Variants in CR1 observed in about 807,000 individuals in gnomAD.
The protein encoded by CR1 is complement receptor type 1.
In CR1, 116 loss-of-function variants were observed where a neutral mutation model predicts 187.3. That is an observed-to-expected ratio of 0.62 (90% CI 0.53 to 0.72). The LOEUF is 0.72. Ranked by LOEUF, CR1 falls within the 30% of genes least tolerant of loss-of-function variation. The pLI, the probability that CR1 is intolerant of heterozygous loss-of-function variation, is 0.00. For missense variants in CR1, 1,731 were observed against 2,110.7 expected, an observed-to-expected ratio of 0.82 and a Z score of 3.52; for synonymous variants, 576 against 747.1, an observed-to-expected ratio of 0.77 and a Z score of 3.73.
chr1:207,634,704 G>A (rs1466183132), intron 46 of CR1, among the ~76,000 whole-genome samples: 2 of 152,078 alleles, frequency 1.3e-5, no homozygotes, highest in African/African-American at 2.4e-5. Flanking sequence ...GCTTCAGCAC[G>A]GCTGGGGAAG....
At chr1:207,613,031 G>A (rs1472444471) in intron 39 of CR1, among the ~76,000 whole-genome samples, 5 of 152,162 alleles carry the variant, frequency 3.3e-5, no homozygotes, top group African/African-American at 4.8e-5. Flanking sequence ...TTCCTTTCGC[G>A]TGGTACAGCT....
At chr1:207,524,152 G>A in intron 5 of CR1, 143 bp downstream of exon 5, 1 of 1,545,690 alleles carries the variant, frequency 6.5e-7, no homozygotes, top group Non-Finnish European at 8.8e-7. Flanking sequence ...ATGAAATTCA[G>A]AAGGTGTGTG....
In CR1 at chr1:207,612,101, CAG is replaced by C. The variant is rs1661952950; in HGVS notation, c.6575+61_6575+62del. The C allele has an allele frequency of 5.9e-6, 9 of 1,538,022 alleles. No homozygotes were observed. The South Asian group carries it at 6.8e-5, about 12-fold the overall frequency. On this transcript the variant is annotated intron_variant, in intron 39 of 46. Coordinates refer to ENST00000367049, the MANE Select transcript of CR1 (RefSeq NM_000651.6). ...GTGTGGAGAATCACTCTCTTGAGAT[CAG>C]GGGTTAATCCAATTAAGGAGCTGAC... is the stretch of plus-strand genomic sequence containing the variant.
chr1:207,520,750 A>G (rs1361741978), intron 4 of CR1, among the ~76,000 whole-genome samples: 1 of 152,184 alleles, frequency 6.6e-6, no homozygotes, highest in Non-Finnish European at 1.5e-5. Context: ...TTCAGCCTGA[A>G]AAAGTCTCTT....
At chr1:207,498,716 A>T (rs1360951767) in intron 1 of CR1, among the ~76,000 whole-genome samples, 1 of 151,680 alleles carries the variant, frequency 6.6e-6, no homozygotes, top group Non-Finnish European at 1.5e-5. Flanking sequence ...CTGTCTCTAC[A>T]AAAACACAAA....
chr1:207,498,800 C>A (rs1272637140), intron 1 of CR1, among the ~76,000 whole-genome samples: 1 of 137,652 alleles, frequency 7.3e-6, no homozygotes, highest in Non-Finnish European at 1.5e-5. Flanking sequence ...ATCGCTTGAA[C>A]CTGGGAGGCG....
chr1:207,511,577 T>A lies in CR1; in HGVS notation c.410T>A (p.Leu137His), dbSNP rs1176392610. The change falls in exon 4 of 47, where the codon CTC becomes CAC. Residue 137 changes from leucine to histidine, a missense_variant. Coordinates refer to ENST00000367049, the MANE Select transcript of CR1 (RefSeq NM_000651.6). The part of the protein sequence containing the change: ...IKYSCTKGYR[L>H]IGSSSATCII... ...TTATTTTTTGCCTCTAGATACCGAC[T>A]CATTGGTTCCTCGTCTGCCACATGC... The A allele has an allele frequency of 2.5e-6, 4 of 1,613,244 alleles. No individual in the cohort carries two copies. The East Asian group carries it at 8.9e-5, about 36-fold the overall frequency.
intron 43 of CR1, 64 bp downstream of exon 43, chr1:207,620,129 A>G (rs991173730): frequency 6.6e-7 from 1 of 1,503,950 alleles, no homozygotes; most frequent in Admixed American, 2.0e-5. Flanking sequence ...TCATTCATCC[A>G]TATTGGCATC....
At chr1:207,497,619 C>T (rs990415037) in intron 1 of CR1, among the ~76,000 whole-genome samples, 2 of 152,168 alleles carry the variant, frequency 1.3e-5, no homozygotes, top group Non-Finnish European at 2.9e-5. Context: ...TGTGATAAAA[C>T]GTACAATCTT....
At chr1:207,512,133 GA>G (rs1659643779) in intron 4 of CR1, among the ~76,000 whole-genome samples, 3 of 152,244 alleles carry the variant, frequency 2.0e-5, no homozygotes, top group Non-Finnish European at 4.4e-5. Context: ...TTATACTTAG[GA>G]AATAATCACA....
chr1:207,630,702 G>T, intron 46 of CR1, 81 bp downstream of exon 46: 1 of 908,708 alleles, frequency 1.1e-6, no homozygotes, highest in African/African-American at 1.7e-5. Flanking sequence ...ATATGATATT[G>T]CACTAGGTAG....
intron 4 of CR1, among the ~76,000 whole-genome samples, chr1:207,521,204 T>C (rs1248110823): frequency 6.6e-6 from 1 of 152,030 alleles, no homozygotes; most frequent in African/African-American, 2.4e-5. Context: ...CTCAAACTCC[T>C]GACAAGAGGT....
At chr1:207,623,871 T>C (rs1662398993) in intron 45 of CR1, among the ~76,000 whole-genome samples, 1 of 151,372 alleles carries the variant, frequency 6.6e-6, no homozygotes, top group African/African-American at 2.4e-5. Context: ...TTCCATTGGG[T>C]ATTTTAATAT....
intron 45 of CR1, among the ~76,000 whole-genome samples, chr1:207,630,073 C>T (rs1662594843): frequency 6.6e-6 from 1 of 152,126 alleles, no homozygotes; most frequent in Non-Finnish European, 1.5e-5. Flanking sequence ...ACTGCTGCTC[C>T]CCTAACCGTG....
At chr1:207,601,135 G>A (rs997741575) in intron 35 of CR1, among the ~76,000 whole-genome samples, 1 of 151,956 alleles carries the variant, frequency 6.6e-6, no homozygotes, top group Non-Finnish European at 1.5e-5. Context: ...TCTAAAAGCA[G>A]ATTCTTTAAA....
At chr1:207,618,806 G>A (rs1662222153) in intron 42 of CR1, among the ~76,000 whole-genome samples, 1 of 152,076 alleles carries the variant, frequency 6.6e-6, no homozygotes, top group Non-Finnish European at 1.5e-5. Flanking sequence ...AGCACTTTGG[G>A]AGGCTGAGGC....
At chr1:207,615,099 A>G (rs886929389) in intron 40 of CR1, among the ~76,000 whole-genome samples, 5 of 152,158 alleles carry the variant, frequency 3.3e-5, no homozygotes, top group African/African-American at 7.2e-5. Flanking sequence ...GCGAGCCACC[A>G]TGCCCAGCCA....
chr1:207,577,866 G>C lies in CR1; in HGVS notation c.4599G>C (p.Glu1533Asp), dbSNP rs561267294. 6.8e-6 allele frequency: 11 copies of C among 1,613,864 alleles called. No individual in the cohort carries two copies. The South Asian group carries it at 9.9e-5, about 14-fold the overall frequency. ...GAGATTTCATTAGCACCAACAGAGA[G>C]AATTTTCACTATGGATCAGTGGTGA... Reference protein sequence around the residue: ...ANGDFISTNRENFHYGSVVTY... With the variant: ...ANGDFISTNRDNFHYGSVVTY... Residue 1533 changes from glutamate to aspartate, a missense_variant, in exon 29 of 47, where the codon GAG becomes GAC. Around this residue, in one of 5 missense-constraint regions of CR1, gnomAD observed 1,312 missense variants for 1,379.6 expected, o/e 0.95. Coordinates refer to ENST00000367049, the MANE Select transcript of CR1 (RefSeq NM_000651.6).
intron 46 of CR1, among the ~76,000 whole-genome samples, chr1:207,639,068 TG>T (rs759220016): frequency 9.5e-4 from 145 of 152,382 alleles, no homozygotes; most frequent in Non-Finnish European, 1.8e-3. Context: ...GGCCTGAGGC[TG>T]GCCCCTTTGC....
Sources: allele counts gnomAD v4.1 joint callset (sites outside exome capture counted in the v4.1 genomes callset), GRCh38; gene constraint gnomAD v4.1.1; regional missense constraint gnomAD v4.1.1; transcripts MANE v1.5; gene names NCBI Gene and HGNC (gene_info 2026-07-23, HGNC 2026-07-21).